AKNAD1: variants seen among roughly 807,000 people sequenced by gnomAD.
AKNAD1 encodes protein AKNAD1.
In AKNAD1, 67 loss-of-function variants were observed where a neutral mutation model predicts 90.8. The ratio of observed to expected loss-of-function variants is 0.74; its 90% CI spans 0.61 to 0.90. The LOEUF is 0.90. AKNAD1 is among the 40% of genes least tolerant of loss of function. The probability of loss-of-function intolerance (pLI) is 0.00; values close to 1 mark genes in which losing one functional copy is unlikely to be tolerated. For synonymous variants in AKNAD1, 327 were observed against 341.4 expected (o/e 0.96, Z 0.46); for missense variants, 957 against 975.4 (o/e 0.98, Z 0.25).
intron 13 of AKNAD1, 116 bp from the exon 14 acceptor site, chr1:108,820,742 A>T: frequency 1.6e-6 from 1 of 614,396 alleles, no homozygotes; most frequent in Non-Finnish European, 2.8e-6. Context: ...AATTTTAATA[A>T]ATCAGAAAAC....
chr1:108,845,939 A>G (rs1664688510), intron 5 of AKNAD1, among the ~76,000 whole-genome samples: 3 of 152,074 alleles, frequency 2.0e-5, no homozygotes, highest in Admixed American at 2.0e-4. Context: ...GGTAATGAGA[A>G]AAGAGATAAA....
At position 108,852,340 on chromosome 1, in the gene AKNAD1, T is replaced by C. The variant is rs775347159; in HGVS notation, c.325A>G (p.Ile109Val). Residue 109 changes from isoleucine (I) to valine (V), a missense_variant, in exon 2 of 16, where the codon ATT becomes GTT. By Grantham distance (29) the Ile-to-Val change is conservative. Coordinates refer to ENST00000370001, the MANE Select transcript of AKNAD1 (RefSeq NM_152763.5). Reference protein sequence around the residue: ...ANEGDASKSSISDILLHHLSK... With the variant: ...ANEGDASKSSVSDILLHHLSK... ...AGATGATGAAGTAAAATATCAGAAA[T>C]GCTTGACTTAGAAGCGTCTCCTTCA... 8 of 1,614,136 alleles carry C rather than the reference T, an allele frequency of 5.0e-6. No homozygotes were observed. Among genetic ancestry groups the C allele is most frequent in the South Asian group, 2.2e-5 (2 of 91,082 alleles).
chr1:108,851,754 T>C lies in AKNAD1; in HGVS notation c.911A>G (p.Glu304Gly), dbSNP rs372577805. ...AACACAGTTTGACTCAGGCGTGGTT[T>C]CTAGACTATCTTGCACAAGAGTGGG... is the stretch of plus-strand genomic sequence containing the variant. ...DKPTLVQDSL[E>G]TTPESNCVEK... The change falls in exon 2 of 16, where the codon GAA becomes GGA. Residue 304 changes from glutamate (E) to glycine (G), a missense_variant. Glu to Gly is a moderately conservative substitution (Grantham distance 98). Transcript: ENST00000370001. 1.3e-5 allele frequency: 21 copies of C among 1,613,610 alleles called. 1 individual carries two copies. The South Asian group carries it at 1.9e-4, about 14-fold the overall frequency.
chr1:108,843,141 G>T lies in AKNAD1; in HGVS notation c.1372C>A (p.Pro458Thr), dbSNP rs1168565391. 3 of 1,613,858 alleles carry T rather than the reference G, an allele frequency of 1.9e-6. No homozygotes were observed. The highest frequency in any genetic ancestry group is 2.5e-6 in the Non-Finnish European group (3 of 1,179,984). ...HESTIVGDFD[P>T]ERKVEGEIFK... ...AGTTGGTTTAAATCTGACCTTTCTG[G>T]ATCAAAGTCACCAACGATTGTTGAT... The change falls in exon 6 of 16, where the codon CCA (proline) becomes ACA (threonine). Residue 458 changes from proline (P) to threonine (T), a missense_variant. Pro to Thr is a conservative substitution (Grantham distance 38). Coordinates refer to ENST00000370001, the MANE Select transcript of AKNAD1 (RefSeq NM_152763.5).
chr1:108,852,600 TC>T lies in AKNAD1; in HGVS notation c.64del (p.Asp22ThrfsTer7), dbSNP rs773216905. 1 of 1,610,674 alleles carries T rather than the reference TC, an allele frequency of 6.2e-7. No individual in the cohort carries two copies. Among genetic ancestry groups the T allele is most frequent in the East Asian group, 2.2e-5 (1 of 44,872 alleles). On this transcript the variant is annotated frameshift_variant, in exon 2 of 16. Transcript: ENST00000370001. LOFTEE classifies it high-confidence loss of function. Reference sequence around the variant, plus strand: ...ATTGCCTATCTTAATCTGAGAGAGGTCCCCATCATAAGGCAAATCCTCCTGC... The same window carrying T: ...ATTGCCTATCTTAATCTGAGAGAGGTCCCATCATAAGGCAAATCCTCCTGC... ...YKQEDLPYDG[D>X]LSQIKIGNDY...
chr1:108,823,666 G>A lies in AKNAD1; in HGVS notation c.1959C>T (p.Phe653=). Reference sequence around the variant, plus strand: ...GCATTTCAGTGCCAGAATCAGAACAGAAGCTGTGTCCTGTATCAGAATCTG... The same window carrying A: ...GCATTTCAGTGCCAGAATCAGAACAAAAGCTGTGTCCTGTATCAGAATCTG... ...STPNSDTGHS[F]CSDSGTEMQS... The change falls in exon 12 of 16, where the codon TTC becomes TTT. Residue 653 remains phenylalanine, a synonymous_variant. Transcript: ENST00000370001. The A allele has an allele frequency of 6.2e-7, 1 of 1,614,148 alleles. No homozygotes were observed. Among genetic ancestry groups the A allele is most frequent in the Non-Finnish European group, 8.5e-7 (1 of 1,180,020 alleles).
At chr1:108,848,413 C>G (rs1197907859) in intron 5 of AKNAD1, among the ~76,000 whole-genome samples, 3 of 152,140 alleles carry the variant, frequency 2.0e-5, no homozygotes, top group Non-Finnish European at 4.4e-5. Flanking sequence ...TTTTTATAAC[C>G]TGAATTCACC....
At position 108,848,996 on chromosome 1, in the gene AKNAD1, A is replaced by T; in HGVS notation, c.1098T>A (p.Ser366Arg). Residue 366 changes from serine to arginine, a missense_variant, in exon 4 of 16, where the codon AGT becomes AGA. Ser to Arg is a moderately radical substitution (Grantham distance 110). Transcript: ENST00000370001. ...ATATCTTTTGAAATATGTAAGAAGA[A>T]CTTGAGGAAGTGCCTTTCTGAGAGG... is the stretch of plus-strand genomic sequence containing the variant. ...SPTSQKGTSS[S>R]SSYIFQKISQ... 6.2e-7 allele frequency: 1 copy of T among 1,611,844 alleles called. No individual in the cohort carries two copies. The highest frequency in any genetic ancestry group is 8.5e-7 in the Non-Finnish European group (1 of 1,179,458).
At chr1:108,849,869 A>T (rs1664802286) in intron 2 of AKNAD1, among the ~76,000 whole-genome samples, 2 of 152,248 alleles carry the variant, frequency 1.3e-5, no homozygotes, top group Non-Finnish European at 2.9e-5. Context: ...CCATAGTATC[A>T]GGCAGGTGGT....
At chr1:108,822,925 C>A (rs934821304) in intron 13 of AKNAD1, 3 of 393,900 alleles carry the variant, frequency 7.6e-6, no homozygotes, top group Middle Eastern at 7.0e-4. Context: ...TCAAAGACAG[C>A]AAATTTTTGC....
chr1:108,817,498 T>TTTC (rs1663654621), intron 14 of AKNAD1: 1 of 44,578 alleles, frequency 2.2e-5, no homozygotes, highest in South Asian at 9.0e-4. Flanking sequence ...TTTTTTTTAA[T>TTTC]TTTTTTTTTT....
In AKNAD1 at chr1:108,852,299, G is replaced by A; in HGVS notation, c.366C>T (p.Phe122=). The stretch of plus-strand genomic sequence containing the variant: ...CACAATCAATGCCTTGACCTCTTAA[G>A]AATGGCTCTTTGGAAAGATGATGAA... The part of the protein sequence containing the change: ...ILLHHLSKEP[F]LRGQGIDCET... The change falls in exon 2 of 16, where the codon TTC becomes TTT. Residue 122 remains phenylalanine (F), a synonymous_variant. Transcript: ENST00000370001. 2 of 1,614,164 alleles carry A rather than the reference G, an allele frequency of 1.2e-6. No homozygotes were observed.
intron 13 of AKNAD1, chr1:108,823,159 C>A (rs61797355): frequency 2.8e-6 from 2 of 718,088 alleles, no homozygotes; most frequent in Non-Finnish European, 5.2e-6. Flanking sequence ...TTGGTCACTG[C>A]GATTTCATAT....
At chr1:108,834,597 A>G (rs750430883) in intron 8 of AKNAD1, 69 bp from the exon 9 acceptor site, 2 of 1,433,932 alleles carry the variant, frequency 1.4e-6, no homozygotes, top group Non-Finnish European at 1.9e-6. Flanking sequence ...GAGCTCCACT[A>G]TTTGGAATCA....
chr1:108,854,251 G>C (rs1475045888), intron 1 of AKNAD1, among the ~76,000 whole-genome samples: 1 of 152,124 alleles, frequency 6.6e-6, no homozygotes, highest in Non-Finnish European at 1.5e-5. Context: ...TGAACTTTTG[G>C]GATGATTCCT....
intron 9 of AKNAD1, among the ~76,000 whole-genome samples, 196 bp downstream of exon 9, chr1:108,834,251 G>A (rs1026558642): frequency 1.4e-4 from 21 of 152,248 alleles, no homozygotes; most frequent in Non-Finnish European, 2.2e-4. Flanking sequence ...TACGCCTGCC[G>A]AGATTCTCAG....
At position 108,852,460 on chromosome 1, in the gene AKNAD1, C is replaced by T. The variant is rs773983007; in HGVS notation, c.205G>A (p.Val69Met). ...GTAATTTTACCCAGGGGTATGGTCA[C>T]AGCTGTATTTCCACAAGTCTCACTA... ...MHSETCGNTA[V>M]TIPLGKITEN... The change falls in exon 2 of 16, where the codon GTG becomes ATG. Residue 69 changes from valine to methionine, a missense_variant. By Grantham distance (21) the Val-to-Met change is conservative. Transcript: ENST00000370001. 4 of 1,613,784 alleles carry T rather than the reference C, an allele frequency of 2.5e-6. No individual in the cohort carries two copies. The highest frequency in any genetic ancestry group is 3.4e-6 in the Non-Finnish European group (4 of 1,179,856).
At position 108,824,315 on chromosome 1, in the gene AKNAD1, G is replaced by A. The variant is rs565700223; in HGVS notation, c.1937-627C>T. Among the ~76,000 whole-genome samples, 5 of 152,298 alleles carry A rather than the reference G, an allele frequency of 3.3e-5. No homozygotes were observed. In the South Asian group the frequency reaches 1.0e-3, roughly 32 times the overall value. ...GGGGCCAGGCGGGTGAGCATGTCAG[G>A]ACTGAATGTCCAAGCAACATCTCGC... On this transcript the variant is annotated intron_variant, in intron 11 of 15. Coordinates refer to ENST00000370001, the MANE Select transcript of AKNAD1 (RefSeq NM_152763.5).
intron 6 of AKNAD1, among the ~76,000 whole-genome samples, chr1:108,841,261 T>C (rs558826213): frequency 1.3e-5 from 2 of 151,802 alleles, no homozygotes; most frequent in Admixed American, 1.3e-4. Context: ...AAGGGATGGG[T>C]TCAAGGACCA....
Sources: gnomAD v4.1 joint callset for allele counts (sites outside exome capture counted in the v4.1 genomes callset) on GRCh38, gnomAD v4.1.1 for gene constraint, MANE v1.5 for transcripts, NCBI Gene and HGNC (gene_info 2026-07-23, HGNC 2026-07-21) for gene names.